The following GSE1 variants were observed in gnomAD, a reference collection of about 807,000 sequenced individuals.
GSE1 encodes the protein Gse1 coiled-coil protein.
In GSE1, 32 loss-of-function variants were observed where a neutral mutation model predicts 112.6. The ratio of observed to expected loss-of-function variants is 0.28; its 90% CI spans 0.21 to 0.38. The LOEUF is 0.38. Among genes scored for constraint, GSE1 ranks in the 10% least tolerant of loss-of-function variants. GSE1 has a pLI of 1.00. For missense variants in GSE1, 2,348 were observed against 1,699.2 expected, an observed-to-expected ratio of 1.38 and a Z score of -6.71; for synonymous variants, 1,115 against 735.6, an observed-to-expected ratio of 1.52 and a Z score of -8.35.
chr16:85,425,943 G>A (rs1453282189), intron 2 of GSE1, among the ~76,000 whole-genome samples: 1 of 152,188 alleles, frequency 6.6e-6, no homozygotes, highest in African/African-American at 2.4e-5. Context: ...CAGCTTGTCA[G>A]TGGCGAGGCC....
At chr16:85,655,015 C>T (rs367892321) in intron 5 of GSE1, 24 bp downstream of exon 5, 23 of 1,434,828 alleles carry the variant, frequency 1.6e-5, no homozygotes, top group Middle Eastern at 1.7e-4. Flanking sequence ...CACGCGCCCT[C>T]TCGTCTAGGT....
intron 1 of GSE1, among the ~76,000 whole-genome samples, chr16:85,572,979 C>G (rs577348224): frequency 9.1e-4 from 139 of 152,330 alleles, no homozygotes; most frequent in African/African-American, 3.2e-3. Flanking sequence ...AAGAGATTCT[C>G]CTGTCTCAGC....
intron 1 of GSE1, among the ~76,000 whole-genome samples, chr16:85,263,893 G>A (rs765716418): frequency 3.3e-5 from 5 of 152,082 alleles, no homozygotes; most frequent in Non-Finnish European, 7.4e-5. Flanking sequence ...TTTTGTATTC[G>A]TCATTCCAGG....
chr16:85,467,681 G>A (rs1292424630), intron 2 of GSE1, among the ~76,000 whole-genome samples: 1 of 152,224 alleles, frequency 6.6e-6, no homozygotes, highest in Admixed American at 6.5e-5. Flanking sequence ...TCCTGACCTA[G>A]CCAAAGGGAT....
intron 2 of GSE1, among the ~76,000 whole-genome samples, chr16:85,548,612 G>C (rs374939109): frequency 6.6e-6 from 1 of 152,164 alleles, no homozygotes; most frequent in Non-Finnish European, 1.5e-5. Flanking sequence ...ATTCCATTGC[G>C]TGTAGGTACC....
intron 1 of GSE1, among the ~76,000 whole-genome samples, chr16:85,278,323 C>T (rs1319770926): frequency 6.6e-6 from 1 of 152,224 alleles, no homozygotes; most frequent in Non-Finnish European, 1.5e-5. Context: ...GGTCCCTCTC[C>T]ACACATGCCT....
At chr16:85,301,207 T>A (rs920140445) in intron 1 of GSE1, among the ~76,000 whole-genome samples, 2 of 152,190 alleles carry the variant, frequency 1.3e-5, no homozygotes, top group East Asian at 3.9e-4. Context: ...TGGTTAAACC[T>A]CCCAGGTCGA....
intron 2 of GSE1, among the ~76,000 whole-genome samples, chr16:85,385,502 G>A (rs534626814): frequency 3.9e-5 from 6 of 152,248 alleles, no homozygotes; most frequent in Middle Eastern, 3.4e-3. Flanking sequence ...GCTCCTTCTC[G>A]GGGGCCCTGG....
chr16:85,589,614 T>C (rs11862113), intron 1 of GSE1, among the ~76,000 whole-genome samples: 5,269 of 152,272 alleles, frequency 0.035, 294 homozygotes, highest in African/African-American at 0.12. Context: ...TGTGTGTGTG[T>C]ATGCGCATAT....
intron 2 of GSE1, among the ~76,000 whole-genome samples, chr16:85,645,263 C>G (rs568691455): frequency 1.3e-5 from 2 of 152,188 alleles, no homozygotes; most frequent in South Asian, 4.2e-4. Context: ...TGGGCCAGAT[C>G]CTGGTGGGTG....
chr16:85,242,399 C>A (rs1469287240), intron 1 of GSE1, among the ~76,000 whole-genome samples: 2 of 152,246 alleles, frequency 1.3e-5, no homozygotes, highest in Non-Finnish European at 2.9e-5. Flanking sequence ...TCAGTGTGGT[C>A]AGCAGGACCA....
chr16:85,576,168 G>A (rs902422012), intron 1 of GSE1, among the ~76,000 whole-genome samples: 9 of 152,124 alleles, frequency 5.9e-5, no homozygotes, highest in African/African-American at 2.2e-4. Context: ...CTGGAGCTAA[G>A]GTTGTCTGTT....
intron 2 of GSE1, among the ~76,000 whole-genome samples, chr16:85,488,884 C>T (rs1234355723): frequency 6.6e-6 from 1 of 152,024 alleles, no homozygotes. Context: ...AGCAGAAGAC[C>T]CCCCCATTCT....
At chr16:85,363,604 G>A (rs901820707) in intron 2 of GSE1, among the ~76,000 whole-genome samples, 2 of 152,206 alleles carry the variant, frequency 1.3e-5, no homozygotes, top group Non-Finnish European at 2.9e-5. Flanking sequence ...AGGAGGGAGC[G>A]AGGGTAATCA....
chr16:85,647,128 G>T (rs574125241), intron 2 of GSE1, among the ~76,000 whole-genome samples: 2 of 152,180 alleles, frequency 1.3e-5, no homozygotes, highest in South Asian at 2.1e-4. Flanking sequence ...CGTCCTCCCC[G>T]GTCCAAACCC....
At chr16:85,323,630 G>T (rs2046163171) in intron 1 of GSE1, among the ~76,000 whole-genome samples, 1 of 152,184 alleles carries the variant, frequency 6.6e-6, no homozygotes, top group Non-Finnish European at 1.5e-5. Flanking sequence ...AACTCTCAGA[G>T]GCTCTGCCCA....
chr16:85,246,523 T>C (rs1905854022), intron 1 of GSE1, among the ~76,000 whole-genome samples: 1 of 66,680 alleles, frequency 1.5e-5, no homozygotes, highest in Non-Finnish European at 3.2e-5. Flanking sequence ...CGACGCTGTC[T>C]GCAGGAGATG....
intron 1 of GSE1, among the ~76,000 whole-genome samples, chr16:85,620,412 G>C (rs2048655899): frequency 6.6e-6 from 1 of 152,218 alleles, no homozygotes; most frequent in African/African-American, 2.4e-5. Flanking sequence ...TTTTGCATTT[G>C]ACATGTGGTA....
intron 1 of GSE1, among the ~76,000 whole-genome samples, chr16:85,189,500 G>A (rs187917684): frequency 6.6e-6 from 1 of 152,188 alleles, no homozygotes; most frequent in East Asian, 1.9e-4. Flanking sequence ...AGTGAAAATG[G>A]GAGGTTAGGG....
Sources: allele counts gnomAD v4.1 joint callset (sites outside exome capture counted in the v4.1 genomes callset), GRCh38; gene constraint gnomAD v4.1.1; transcripts MANE v1.5; gene names NCBI Gene and HGNC (gene_info 2026-07-23, HGNC 2026-07-21).